Variants in DOK6 observed in about 807,000 individuals in gnomAD.
DOK6 encodes docking protein 6.
Under a neutral mutation model 44.0 loss-of-function variants are expected in DOK6, and 22 were observed. That is an observed-to-expected ratio of 0.50 (90% confidence interval 0.36 to 0.71). DOK6 has a LOEUF of 0.71. Among genes scored for constraint, DOK6 ranks in the 30% least tolerant of loss-of-function variants. The probability of loss-of-function intolerance (pLI) is 0.00; values close to 1 mark genes in which losing one functional copy is unlikely to be tolerated. For missense variants in DOK6, 340 were observed against 416.4 expected (o/e 0.82, Z 1.60); for synonymous variants, 166 against 145.5 (o/e 1.14, Z -1.01).
intron 1 of DOK6, among the ~76,000 whole-genome samples, chr18:69,486,052 T>C (rs1980568232): frequency 6.6e-6 from 1 of 151,584 alleles, no homozygotes; most frequent in Non-Finnish European, 1.5e-5. Flanking sequence ...GAATAACACA[T>C]ATGAAGCAGG....
At chr18:69,717,746 G>T (rs756754280) in intron 5 of DOK6, among the ~76,000 whole-genome samples, 1 of 152,164 alleles carries the variant, frequency 6.6e-6, no homozygotes, top group Non-Finnish European at 1.5e-5. Flanking sequence ...TGGCCCTGGG[G>T]TGATCAGGGC....
chr18:69,807,981 G>A lies in DOK6; in HGVS notation c.857-33263G>A, dbSNP rs576515919. Among the ~76,000 whole-genome samples, 5 of 151,842 alleles carry A rather than the reference G, an allele frequency of 3.3e-5. No individual in the cohort carries two copies. The South Asian group carries it at 1.0e-3, about 32-fold the overall frequency. ...CATATACAAAGCATTCCATACAATA[G>A]CAGCAGAATATACATTTTTCTAAGC... is the stretch of plus-strand genomic sequence containing the variant. On this transcript the variant is annotated intron_variant, in intron 7 of 7. Coordinates refer to ENST00000382713, the MANE Select transcript of DOK6 (RefSeq NM_152721.6).
intron 3 of DOK6, among the ~76,000 whole-genome samples, chr18:69,601,549 G>A (rs755770255): frequency 1.3e-5 from 2 of 152,216 alleles, no homozygotes; most frequent in Non-Finnish European, 2.9e-5. Flanking sequence ...GACGGGAAGT[G>A]TGATAACAGA....
At chr18:69,557,957 G>A (rs887811424) in intron 1 of DOK6, among the ~76,000 whole-genome samples, 1 of 152,076 alleles carries the variant, frequency 6.6e-6, no homozygotes, top group Non-Finnish European at 1.5e-5. Flanking sequence ...TACTGCTAAT[G>A]GAGGTCATTA....
At chr18:69,712,019 C>T (rs889681441) in intron 5 of DOK6, among the ~76,000 whole-genome samples, 6 of 151,854 alleles carry the variant, frequency 4.0e-5, no homozygotes, top group East Asian at 3.9e-4. Context: ...CGGTGGCTCA[C>T]GCCTGTAATC....
chr18:69,764,648 C>G (rs1204784698), intron 7 of DOK6, among the ~76,000 whole-genome samples: 1 of 152,196 alleles, frequency 6.6e-6, no homozygotes, highest in East Asian at 1.9e-4. Flanking sequence ...AATTAAACCT[C>G]TTTTCTTTAT....
intron 1 of DOK6, among the ~76,000 whole-genome samples, chr18:69,472,291 T>TTAC (rs1980135249): frequency 6.6e-6 from 1 of 152,126 alleles, no homozygotes. Flanking sequence ...CAAGGTAAGG[T>TTAC]GACTGCGCAC....
rs188482953 is a variant in DOK6 at position 69,490,118 on chromosome 18, A to G, written c.67-74369A>G. On this transcript the variant is annotated intron_variant, in intron 1 of 7. Transcript: ENST00000382713. ...GTCCTGATATATTTTCTATTTTAAG[A>G]GTTTAAGAATGTCTGAAGAAAACAA... Among the ~76,000 whole-genome samples the G allele has an allele frequency of 3.9e-5, 6 of 152,258 alleles. No individual in the cohort carries two copies. The East Asian group carries it at 7.7e-4, about 20-fold the overall frequency.
intron 3 of DOK6, among the ~76,000 whole-genome samples, chr18:69,650,202 A>G (rs1398374768): frequency 6.6e-6 from 1 of 152,236 alleles, no homozygotes; most frequent in Non-Finnish European, 1.5e-5. Context: ...ATCTTTAAAA[A>G]AAAACGTGGT....
intron 1 of DOK6, among the ~76,000 whole-genome samples, chr18:69,463,703 G>T (rs1291881598): frequency 6.6e-6 from 1 of 151,794 alleles, no homozygotes; most frequent in East Asian, 1.9e-4. Context: ...ATGTGTGTGT[G>T]TCTATGTGTG....
At chr18:69,766,784 G>A (rs1440247213) in intron 7 of DOK6, among the ~76,000 whole-genome samples, 1 of 152,168 alleles carries the variant, frequency 6.6e-6, no homozygotes, top group East Asian at 1.9e-4. Context: ...AGAGTCTGCT[G>A]TAAACCAAAC....
chr18:69,719,661 G>A (rs1001918135), intron 5 of DOK6, among the ~76,000 whole-genome samples: 1 of 152,190 alleles, frequency 6.6e-6, no homozygotes, highest in East Asian at 1.9e-4. Context: ...GAAGGGGTCA[G>A]TTTGGGGAAG....
intron 3 of DOK6, among the ~76,000 whole-genome samples, chr18:69,630,312 A>G (rs181409552): frequency 2.0e-5 from 3 of 152,262 alleles, no homozygotes; most frequent in African/African-American, 7.2e-5. Flanking sequence ...GGGTTTTCTG[A>G]TTCCATTGTT....
chr18:69,831,841 A>C (rs1406135328), intron 7 of DOK6, among the ~76,000 whole-genome samples: 2 of 152,216 alleles, frequency 1.3e-5, no homozygotes, highest in Admixed American at 6.5e-5. Context: ...TGTTGGCAAT[A>C]AGTCCTAGTA....
intron 7 of DOK6, among the ~76,000 whole-genome samples, chr18:69,824,864 C>G (rs995442084): frequency 6.6e-6 from 1 of 152,182 alleles, no homozygotes; most frequent in Non-Finnish European, 1.5e-5. Flanking sequence ...GGAGTCATAT[C>G]CAGGGTATGA....
intron 7 of DOK6, among the ~76,000 whole-genome samples, chr18:69,767,426 C>T (rs1392979710): frequency 6.6e-6 from 1 of 152,124 alleles, no homozygotes; most frequent in Non-Finnish European, 1.5e-5. Flanking sequence ...AGATAAACCA[C>T]CTCTCCCATG....
chr18:69,596,702 A>T (rs1349446205), intron 2 of DOK6, among the ~76,000 whole-genome samples: 1 of 152,204 alleles, frequency 6.6e-6, no homozygotes, highest in Non-Finnish European at 1.5e-5. Flanking sequence ...CCTTACAAGA[A>T]ATAGTAAGTG....
intron 7 of DOK6, among the ~76,000 whole-genome samples, chr18:69,779,173 A>G (rs1481123555): frequency 7.9e-5 from 12 of 152,050 alleles, no homozygotes; most frequent in Admixed American, 7.2e-4. Context: ...TGTCTCCCTC[A>G]ATAAATCTGT....
rs541217413 is a variant in DOK6, at chr18:69,732,092, CT to C, written c.600-6865del. On this transcript the variant is annotated intron_variant, in intron 5 of 7. Coordinates refer to ENST00000382713, the MANE Select transcript of DOK6 (RefSeq NM_152721.6). ...AATGTTTCTTTTATAATTTGTTTTG[CT>C]TTTTTTTCCTATCAGAAACTAGAAA... 5.6e-4 allele frequency among the ~76,000 whole-genome samples: 85 copies of C among 152,050 alleles called. No individual in the cohort carries two copies. In the South Asian group the frequency reaches 0.013, roughly 23 times the overall value.
Sources: gnomAD v4.1 joint callset for allele counts (sites outside exome capture counted in the v4.1 genomes callset) on GRCh38, gnomAD v4.1.1 for gene constraint, MANE v1.5 for transcripts, NCBI Gene and HGNC (gene_info 2026-07-23, HGNC 2026-07-21) for gene names.